The following AFF3 variants were observed in gnomAD, a reference collection of about 807,000 sequenced individuals.
The protein encoded by AFF3 is AF4/FMR2 family member 3.
In AFF3, 32 loss-of-function variants were observed where a neutral mutation model predicts 129.7. That is an observed-to-expected ratio of 0.25 (90% CI 0.19 to 0.33). The LOEUF is 0.33. Ranked by LOEUF, AFF3 falls within the 10% of genes least tolerant of loss-of-function variation. The pLI is 1.00. For missense variants in AFF3, 1,373 were observed against 1,592.0 expected (o/e 0.86, Z 2.34); for synonymous variants, 644 against 635.4 (o/e 1.01, Z -0.20).
intron 4 of AFF3, among the ~76,000 whole-genome samples, chr2:100,011,232 C>T (rs1682516436): frequency 6.6e-6 from 1 of 152,140 alleles, no homozygotes; most frequent in African/African-American, 2.4e-5. Context: ...CGAGATTGCG[C>T]CACTGCACTC....
intron 11 of AFF3, among the ~76,000 whole-genome samples, chr2:99,677,473 G>A (rs1193502018): frequency 6.6e-6 from 1 of 152,048 alleles, no homozygotes; most frequent in African/African-American, 2.4e-5. Flanking sequence ...GCGATTAAGC[G>A]ATTGAGATTC....
intron 2 of AFF3, among the ~76,000 whole-genome samples, chr2:100,119,876 G>T (rs921812108): frequency 2.6e-5 from 4 of 152,180 alleles, no homozygotes; most frequent in Non-Finnish European, 5.9e-5. Flanking sequence ...GTTTTTGAAG[G>T]AATGTCTAAC....
At chr2:99,794,161 C>A (rs1685404980) in intron 8 of AFF3, among the ~76,000 whole-genome samples, 1 of 152,114 alleles carries the variant, frequency 6.6e-6, no homozygotes, top group Admixed American at 6.6e-5. Flanking sequence ...GGTTTTATAC[C>A]CAGAACATGG....
chr2:99,672,201 C>CGAATAA (rs1558729209), intron 12 of AFF3, among the ~76,000 whole-genome samples: 3 of 30,604 alleles, frequency 9.8e-5, no homozygotes, highest in South Asian at 1.2e-3. Flanking sequence ...CACACACACA[C>CGAATAA]ACACACACAC....
chr2:99,584,267 A>G (rs1235995864), intron 16 of AFF3, among the ~76,000 whole-genome samples: 2 of 151,934 alleles, frequency 1.3e-5, no homozygotes, highest in Non-Finnish European at 2.9e-5. Context: ...CGGGAGTTCG[A>G]GACCAGCCTG....
At chr2:99,843,700 T>C (rs1365539957) in intron 7 of AFF3, among the ~76,000 whole-genome samples, 1 of 152,236 alleles carries the variant, frequency 6.6e-6, no homozygotes, top group African/African-American at 2.4e-5. Context: ...TGAAACTCAC[T>C]GTTATTTTAA....
At chr2:99,606,783 A>C (rs951391487) in intron 13 of AFF3, among the ~76,000 whole-genome samples, 1 of 151,884 alleles carries the variant, frequency 6.6e-6, no homozygotes, top group South Asian at 2.1e-4. Flanking sequence ...ACATGGTGGC[A>C]GGCACCTGTA....
chr2:99,592,567 T>A (rs1678793138), intron 15 of AFF3, among the ~76,000 whole-genome samples: 1 of 152,102 alleles, frequency 6.6e-6, no homozygotes, highest in Non-Finnish European at 1.5e-5. Flanking sequence ...TCCAGCTGCG[T>A]GTGCACACGC....
chr2:99,903,178 G>A (rs770326289), intron 7 of AFF3, among the ~76,000 whole-genome samples: 48 of 152,234 alleles, frequency 3.2e-4, no homozygotes, highest in South Asian at 2.1e-4. Flanking sequence ...ACACTACCAC[G>A]TTGTGTGCCA....
chr2:100,079,670 T>C (rs1052822396), intron 4 of AFF3, among the ~76,000 whole-genome samples: 4 of 152,204 alleles, frequency 2.6e-5, no homozygotes, highest in Non-Finnish European at 5.9e-5. Flanking sequence ...GAACTCACGC[T>C]TCCCCAGCTC....
intron 14 of AFF3, among the ~76,000 whole-genome samples, chr2:99,594,523 C>T (rs1025126498): frequency 4.6e-5 from 7 of 152,180 alleles, no homozygotes; most frequent in Non-Finnish European, 1.0e-4. Flanking sequence ...CCTTGCAGCA[C>T]TTCCTCTTTG....
At chr2:99,725,691 T>G (rs1375983405) in intron 11 of AFF3, among the ~76,000 whole-genome samples, 1 of 152,198 alleles carries the variant, frequency 6.6e-6, no homozygotes, top group Non-Finnish European at 1.5e-5. Context: ...TCCAACTGCC[T>G]TAACCAAATG....
chr2:99,803,059 A>G (rs1298852340), intron 8 of AFF3, among the ~76,000 whole-genome samples: 2 of 152,030 alleles, frequency 1.3e-5, no homozygotes, highest in African/African-American at 2.4e-5. Context: ...AATGCTTTCA[A>G]CTTTTCCCCA....
chr2:99,598,504 T>C (rs1679509522), intron 14 of AFF3, among the ~76,000 whole-genome samples: 1 of 152,140 alleles, frequency 6.6e-6, no homozygotes, highest in South Asian at 2.1e-4. Flanking sequence ...GTGAAACAAA[T>C]TGGCTCTCAA....
chr2:100,015,203 T>C, intron 4 of AFF3, among the ~76,000 whole-genome samples: 1 of 152,146 alleles, frequency 6.6e-6, no homozygotes, highest in East Asian at 1.9e-4. Flanking sequence ...CTAAACAGGT[T>C]CGTCTGATCC....
At chr2:99,619,363 A>C (rs1414524472) in intron 13 of AFF3, among the ~76,000 whole-genome samples, 3 of 152,266 alleles carry the variant, frequency 2.0e-5, no homozygotes, top group African/African-American at 7.2e-5. Flanking sequence ...GCTTGTGGCC[A>C]TATCAGCTCA....
chr2:99,736,576 C>T (rs1189440303), intron 10 of AFF3, among the ~76,000 whole-genome samples: 3 of 149,874 alleles, frequency 2.0e-5, no homozygotes, highest in Admixed American at 6.6e-5. Context: ...GTTATTGAAT[C>T]ATTGCATCTA....
At chr2:100,000,586 C>T (rs529162545) in intron 7 of AFF3, among the ~76,000 whole-genome samples, 1 of 152,188 alleles carries the variant, frequency 6.6e-6, no homozygotes, top group African/African-American at 2.4e-5. Flanking sequence ...ATTTTGTTTG[C>T]TTTTGTTTCA....
At chr2:100,001,909 A>G (rs1681453251) in intron 7 of AFF3, among the ~76,000 whole-genome samples, 1 of 152,246 alleles carries the variant, frequency 6.6e-6, no homozygotes, top group East Asian at 1.9e-4. Context: ...GGGTATACGC[A>G]GTACAGGCAC....
Sources: allele counts gnomAD v4.1 joint callset (sites outside exome capture counted in the v4.1 genomes callset), GRCh38; gene constraint gnomAD v4.1.1; transcripts MANE v1.5; gene names NCBI Gene and HGNC (gene_info 2026-07-23, HGNC 2026-07-21).